PCDH15: variants seen among roughly 807,000 people sequenced by gnomAD.
The protein encoded by PCDH15 is protocadherin related 15.
A neutral mutation model predicts 178.5 loss-of-function variants in PCDH15; 129 were observed. The observed-to-expected ratio is 0.72, with a 90% confidence interval of 0.63 to 0.84. The LOEUF (loss-of-function observed/expected upper bound fraction) is 0.84, where lower values mean the gene tolerates loss of function less well. Ranked by LOEUF, PCDH15 falls within the 40% of genes least tolerant of loss-of-function variation. The pLI, the probability that PCDH15 is intolerant of heterozygous loss-of-function variation, is 0.00. For missense variants in PCDH15, 2,230 were observed against 2,099.9 expected (o/e 1.06, Z -1.21); for synonymous variants, 800 against 732.0 (o/e 1.09, Z -1.50).
At chr10:54,570,718 T>C (rs545955889) in intron 2 of PCDH15, among the ~76,000 whole-genome samples, 4 of 152,218 alleles carry the variant, frequency 2.6e-5, no homozygotes, top group Non-Finnish European at 5.9e-5. Context: ...AGTGGCGTGA[T>C]CTCCTCTCAC....
intron 3 of PCDH15, among the ~76,000 whole-genome samples, chr10:54,862,401 AGAG>A (rs1564579628): frequency 1.3e-5 from 2 of 152,220 alleles, no homozygotes; most frequent in African/African-American, 4.8e-5. Flanking sequence ...TTGTCAATAT[AGAG>A]GAGGAGAGGA....
chr10:54,852,981 C>T (rs1444311425), intron 3 of PCDH15, among the ~76,000 whole-genome samples: 1 of 151,494 alleles, frequency 6.6e-6, no homozygotes, highest in Admixed American at 6.6e-5. Context: ...GTATTACAGG[C>T]CTGGTGCAAT....
intron 2 of PCDH15, among the ~76,000 whole-genome samples, chr10:55,421,847 C>T (rs1838629401): frequency 6.6e-6 from 1 of 151,540 alleles, no homozygotes; most frequent in African/African-American, 2.4e-5. Flanking sequence ...AAAATTATTA[C>T]TTGGGATTTA....
intron 2 of PCDH15, among the ~76,000 whole-genome samples, chr10:55,026,948 T>C (rs922460811): frequency 6.6e-6 from 1 of 151,948 alleles, no homozygotes; most frequent in Non-Finnish European, 1.5e-5. Context: ...AAAGCCATTA[T>C]AGTCCAAGAA....
At chr10:55,286,133 A>G (rs148178645) in intron 1 of PCDH15, among the ~76,000 whole-genome samples, 211 of 152,082 alleles carry the variant, frequency 1.4e-3, no homozygotes, top group African/African-American at 4.8e-3. Context: ...TTTCTTTTCC[A>G]TTAAAATTAT....
intron 2 of PCDH15, among the ~76,000 whole-genome samples, chr10:54,925,376 A>G (rs1029568454): frequency 4.6e-5 from 7 of 152,038 alleles, no homozygotes; most frequent in African/African-American, 1.7e-4. Context: ...GTTAGGTAGT[A>G]TAATGCCTCC....
chr10:54,828,504 T>G (rs1377982948), intron 3 of PCDH15, among the ~76,000 whole-genome samples: 1 of 151,904 alleles, frequency 6.6e-6, no homozygotes, highest in East Asian at 1.9e-4. Context: ...TGTATGTGTA[T>G]GTGTGTGTAT....
At chr10:54,901,402 A>T (rs6481127) in intron 2 of PCDH15, among the ~76,000 whole-genome samples, 110,734 of 152,104 alleles carry the variant, frequency 0.73, 40,771 homozygotes, top group East Asian at 0.89. Context: ...TCAAGTCTCT[A>T]TGAAATATAT....
chr10:54,875,063 T>C (rs928025367), intron 3 of PCDH15, among the ~76,000 whole-genome samples: 1 of 152,158 alleles, frequency 6.6e-6, no homozygotes, highest in Non-Finnish European at 1.5e-5. Context: ...AATTGAAGGT[T>C]TGTGGCAACC....
chr10:53,884,901 A>C (rs188408511), intron 26 of PCDH15, among the ~76,000 whole-genome samples: 1 of 152,164 alleles, frequency 6.6e-6, no homozygotes, highest in African/African-American at 2.4e-5. Context: ...GTTACCCCTA[A>C]TTTTCATGAT....
chr10:54,641,540 C>T (rs1340974218), intron 2 of PCDH15, among the ~76,000 whole-genome samples: 2 of 151,860 alleles, frequency 1.3e-5, no homozygotes, highest in African/African-American at 4.8e-5. Context: ...ACTTCCACTC[C>T]CCATTTGCAA....
At chr10:54,019,510 C>T (rs2092845437) in intron 20 of PCDH15, among the ~76,000 whole-genome samples, 1 of 152,034 alleles carries the variant, frequency 6.6e-6, no homozygotes, top group South Asian at 2.1e-4. Context: ...CAGAGGATCA[C>T]GGTATGTACT....
In PCDH15 at chr10:53,806,896, T is replaced by G. The variant is rs531716928; in HGVS notation, c.4906A>C (p.Lys1636Gln). 1 of 1,613,938 alleles carries G rather than the reference T, an allele frequency of 6.2e-7. No homozygotes were observed. The highest frequency in any genetic ancestry group is 1.3e-5 in the African/African-American group (1 of 75,042). ...GTCACTGCCAACTTGTCTAGTTTCT[T>G]AAAGGGCCCTCCCAGTCGAACAGGG... Reference protein sequence around the residue: ...ASPVRLGGPFKKLDKLAVTHE... With the variant: ...ASPVRLGGPFQKLDKLAVTHE... The change falls in exon 38 of 38, where the codon AAG (lysine) becomes CAG (glutamine). Residue 1636 changes from lysine to glutamine, a missense_variant. By Grantham distance (53) the Lys-to-Gln change is moderately conservative. Coordinates refer to ENST00000644397, the MANE Select transcript of PCDH15 (RefSeq NM_001384140.1).
At chr10:55,036,841 A>G (rs1840747258) in intron 2 of PCDH15, among the ~76,000 whole-genome samples, 1 of 152,228 alleles carries the variant, frequency 6.6e-6, no homozygotes, top group African/African-American at 2.4e-5. Flanking sequence ...CTATTATTTT[A>G]GATGGATTGT....
At chr10:54,839,834 C>A (rs1953386010) in intron 3 of PCDH15, among the ~76,000 whole-genome samples, 1 of 151,918 alleles carries the variant, frequency 6.6e-6, no homozygotes, top group Non-Finnish European at 1.5e-5. Context: ...AGAAGCCTTG[C>A]AGGTCATGAA....
chr10:55,156,156 T>A (rs1321320342), intron 2 of PCDH15, among the ~76,000 whole-genome samples: 1 of 152,178 alleles, frequency 6.6e-6, no homozygotes, highest in Non-Finnish European at 1.5e-5. Context: ...GTATGGATAA[T>A]GATCCTTCAT....
At chr10:55,173,559 C>T (rs183625551) in intron 1 of PCDH15, among the ~76,000 whole-genome samples, 1 of 151,784 alleles carries the variant, frequency 6.6e-6, no homozygotes, top group Non-Finnish European at 1.5e-5. Context: ...AGCTTTAATG[C>T]ATTTGCTTTT....
chr10:55,549,948 C>G (rs760848337), intron 2 of PCDH15, among the ~76,000 whole-genome samples: 2 of 151,926 alleles, frequency 1.3e-5, no homozygotes, highest in African/African-American at 4.8e-5. Context: ...TGTGCGCATG[C>G]GTGCATTTTA....
chr10:55,526,027 T>C (rs1362594918), intron 2 of PCDH15, among the ~76,000 whole-genome samples: 3 of 151,990 alleles, frequency 2.0e-5, no homozygotes, highest in Admixed American at 6.6e-5. Flanking sequence ...TTTAAATGTA[T>C]AGTTAACCTA....
Sources: gnomAD v4.1 joint callset for allele counts (sites outside exome capture counted in the v4.1 genomes callset) on GRCh38, gnomAD v4.1.1 for gene constraint, MANE v1.5 for transcripts, NCBI Gene and HGNC (gene_info 2026-07-23, HGNC 2026-07-21) for gene names.